PCDH15: variants seen among roughly 807,000 people sequenced by gnomAD.
PCDH15 encodes the protein protocadherin related 15.
In PCDH15, 129 loss-of-function variants were observed where a neutral mutation model predicts 178.5. The ratio of observed to expected loss-of-function variants is 0.72; its 90% confidence interval spans 0.63 to 0.84. The LOEUF (loss-of-function observed/expected upper bound fraction) is 0.84, where lower values mean the gene tolerates loss of function less well. Ranked by LOEUF, PCDH15 falls within the 40% of genes least tolerant of loss-of-function variation. The pLI is 0.00. For synonymous variants in PCDH15, 800 were observed against 732.0 expected (o/e 1.09, Z -1.50); for missense variants, 2,230 against 2,099.9 (o/e 1.06, Z -1.21).
intron 2 of PCDH15, among the ~76,000 whole-genome samples, chr10:55,151,446 A>T (rs1838709873): frequency 6.6e-6 from 1 of 152,102 alleles, no homozygotes; most frequent in African/African-American, 2.4e-5. Context: ...TAGCCAGATA[A>T]TTACTTGACT....
chr10:54,411,985 C>T (rs548974202), intron 3 of PCDH15, among the ~76,000 whole-genome samples: 4 of 151,956 alleles, frequency 2.6e-5, no homozygotes, highest in Admixed American at 6.6e-5. Context: ...GGGCTATGTC[C>T]GTAGTTTATT....
chr10:55,203,524 A>T (rs1449401202), intron 1 of PCDH15, among the ~76,000 whole-genome samples: 1 of 152,046 alleles, frequency 6.6e-6, no homozygotes, highest in Non-Finnish European at 1.5e-5. Context: ...CATTAGGAAC[A>T]GCAGTGGGGA....
intron 2 of PCDH15, among the ~76,000 whole-genome samples, chr10:55,567,348 T>C (rs1274206869): frequency 6.6e-6 from 1 of 151,638 alleles, no homozygotes; most frequent in East Asian, 1.9e-4. Flanking sequence ...TAAGTTTTAA[T>C]ACTTCAGATT....
intron 9 of PCDH15, among the ~76,000 whole-genome samples, chr10:54,228,497 C>T (rs80186038): frequency 0.027 from 4,085 of 152,128 alleles, 101 homozygotes; most frequent in African/African-American, 0.07. Context: ...CACAGCCAAG[C>T]GATATCATTT....
At chr10:54,897,324 T>C (rs1466401974) in intron 3 of PCDH15, 1 of 152,192 alleles carries the variant, frequency 6.6e-6, no homozygotes, top group Non-Finnish European at 1.5e-5. Context: ...TCGATGATAG[T>C]TGTAACTTGA....
chr10:55,157,643 A>G (rs1273773399), intron 2 of PCDH15, among the ~76,000 whole-genome samples: 1 of 151,936 alleles, frequency 6.6e-6, no homozygotes, highest in East Asian at 1.9e-4. Context: ...TGATGAGTTC[A>G]TGTCCTTTGT....
chr10:53,839,355 T>G (rs994746211), intron 29 of PCDH15, among the ~76,000 whole-genome samples: 2 of 151,938 alleles, frequency 1.3e-5, no homozygotes, highest in African/African-American at 2.4e-5. Context: ...TAAAACTAAA[T>G]TCAGAATTTA....
intron 1 of PCDH15, among the ~76,000 whole-genome samples, chr10:54,748,374 T>A (rs752704202): frequency 2.0e-5 from 3 of 152,150 alleles, no homozygotes; most frequent in Non-Finnish European, 4.4e-5. Flanking sequence ...CCTGAATATT[T>A]AATGAGACCA....
At chr10:54,550,727 C>A (rs1429377765) in intron 2 of PCDH15, among the ~76,000 whole-genome samples, 1 of 152,108 alleles carries the variant, frequency 6.6e-6, no homozygotes, top group African/African-American at 2.4e-5. Context: ...GCCTTTTATT[C>A]AAGTATATGA....
At chr10:55,442,995 C>T (rs1465627527) in intron 2 of PCDH15, among the ~76,000 whole-genome samples, 1 of 152,044 alleles carries the variant, frequency 6.6e-6, no homozygotes, top group Non-Finnish European at 1.5e-5. Flanking sequence ...AGAATTCACT[C>T]GTTATCTTGG....
Position 53,803,968 on chromosome 10 carries a change from A to C in PCDH15, c.*2611T>G, listed in dbSNP as rs992682525. 1 of 151,990 alleles carries C rather than the reference A, an allele frequency of 6.6e-6. No individual in the cohort carries two copies. The highest frequency in any genetic ancestry group is 1.5e-5 in the Non-Finnish European group (1 of 67,894). The allele number at this position is 151,990 out of a possible 1,614,324, so 9.4% of individuals were successfully genotyped here. ...GTTATTTATATGAAGTATTCTTAAG[A>C]TTAAACATACCTGGGTATTTCCTCT... On this transcript the variant is annotated 3_prime_UTR_variant, in exon 38 of 38. Transcript: ENST00000644397.
At chr10:54,663,283 A>G (rs1305109139) in intron 2 of PCDH15, among the ~76,000 whole-genome samples, 1 of 151,882 alleles carries the variant, frequency 6.6e-6, no homozygotes, top group African/African-American at 2.4e-5. Context: ...TTGTCTGTGC[A>G]TCATGAATGC....
At chr10:55,319,071 AC>A (rs1843813993) in intron 1 of PCDH15, among the ~76,000 whole-genome samples, 1 of 151,376 alleles carries the variant, frequency 6.6e-6, no homozygotes, top group Non-Finnish European at 1.5e-5. Context: ...ACACACACAC[AC>A]AAACACACAC....
chr10:54,330,882 G>A (rs1373539762), intron 6 of PCDH15, among the ~76,000 whole-genome samples: 1 of 151,828 alleles, frequency 6.6e-6, no homozygotes. Context: ...ATTGTCTTGT[G>A]GTTGTTCAGT....
chr10:54,611,427 T>C (rs2092957567), intron 2 of PCDH15, among the ~76,000 whole-genome samples: 1 of 151,848 alleles, frequency 6.6e-6, no homozygotes, highest in South Asian at 2.1e-4. Flanking sequence ...TAAAAATCCT[T>C]TTTAAAATAA....
chr10:54,386,858 T>C (rs1031645867), intron 3 of PCDH15, among the ~76,000 whole-genome samples: 1 of 152,114 alleles, frequency 6.6e-6, no homozygotes, highest in African/African-American at 2.4e-5. Context: ...ACTACAATGT[T>C]GGTTGGAAAG....
At chr10:54,321,933 G>A (rs1267580773) in intron 7 of PCDH15, among the ~76,000 whole-genome samples, 1 of 151,842 alleles carries the variant, frequency 6.6e-6, no homozygotes, top group Non-Finnish European at 1.5e-5. Context: ...ATATCACATA[G>A]GAAAATATAT....
chr10:55,443,250 C>A (rs1349881914), intron 2 of PCDH15, among the ~76,000 whole-genome samples: 2 of 152,026 alleles, frequency 1.3e-5, no homozygotes, highest in African/African-American at 4.8e-5. Flanking sequence ...ATGACTAAAG[C>A]AAGAAAAGCA....
At chr10:55,592,970 T>C (rs1842872046) in intron 2 of PCDH15, among the ~76,000 whole-genome samples, 1 of 152,090 alleles carries the variant, frequency 6.6e-6, no homozygotes, top group Non-Finnish European at 1.5e-5. Context: ...GTAATACTAC[T>C]TCTAAAGTGT....
Sources: allele counts gnomAD v4.1 joint callset (sites outside exome capture counted in the v4.1 genomes callset), GRCh38; gene constraint gnomAD v4.1.1; transcripts MANE v1.5; gene names NCBI Gene and HGNC (gene_info 2026-07-23, HGNC 2026-07-21).